Variants in HSD17B4 observed in about 807,000 individuals in gnomAD.
HSD17B4 encodes hydroxysteroid 17-beta dehydrogenase 4.
HSD17B4 carries 70 observed loss-of-function variants against 101.0 expected under a neutral mutation model. The ratio of observed to expected loss-of-function variants is 0.69; its 90% CI spans 0.57 to 0.85. HSD17B4 has a LOEUF of 0.85. Ranked by LOEUF, HSD17B4 falls within the 40% of genes least tolerant of loss-of-function variation. The probability of loss-of-function intolerance (pLI) is 0.00; values close to 1 mark genes in which losing one functional copy is unlikely to be tolerated. For missense variants in HSD17B4, 984 were observed against 892.4 expected (o/e 1.10, Z -1.31); for synonymous variants, 347 against 297.1 (o/e 1.17, Z -1.73).
intron 2 of HSD17B4, among the ~76,000 whole-genome samples, chr5:119,470,196 T>C (rs887565055): frequency 1.0e-4 from 15 of 150,672 alleles, no homozygotes; most frequent in Non-Finnish European, 2.1e-4. Flanking sequence ...GAATGTCTGT[T>C]TTTTTTTTTG....
Position 119,474,111 on chromosome 5 carries a change from A to G in HSD17B4, c.220+96A>G, listed in dbSNP as rs28590215. ...TGAGCAAATATCTCAGTATTCCAGT[A>G]TAATTATGATTTTCTAAGTCTGCCA... is the stretch of plus-strand genomic sequence containing the variant. On this transcript the variant is annotated intron_variant, in intron 3 of 23. Coordinates refer to ENST00000510025, the MANE Select transcript of HSD17B4 (RefSeq NM_000414.4). The G allele has an allele frequency of 1.3e-4, 100 of 787,890 alleles. No homozygotes were observed. The East Asian group carries it at 2.5e-3, about 20-fold the overall frequency. 48.8% of individuals were successfully genotyped at this position (787,890 alleles called of 1,614,324 possible). A position where few individuals can be genotyped will look rare whatever the true frequency, so the allele number is the denominator to read the frequency against.
intron 7 of HSD17B4, among the ~76,000 whole-genome samples, chr5:119,478,506 C>T (rs1748806443): frequency 6.6e-6 from 1 of 152,066 alleles, no homozygotes; most frequent in African/African-American, 2.4e-5. Context: ...GTGATGAGGA[C>T]TGAAAAATTA....
chr5:119,525,713 G>GTTTTTTTTTTTTTTT (rs748728829), intron 18 of HSD17B4: 13 of 484,420 alleles, frequency 2.7e-5, no homozygotes, highest in African/African-American at 6.2e-5. Flanking sequence ...TTCCTGTTTT[G>GTTTTTTTTTTTTTTT]TTTTTTTTTT....
At position 119,497,758 on chromosome 5, in the gene HSD17B4, A is replaced by C. The variant is rs185684670; in HGVS notation, c.972+1112A>C. On this transcript the variant is annotated intron_variant, in intron 12 of 23. Transcript: ENST00000510025. ...ATGAGTGATGATAAAACTGTATAAA[A>C]TATGTACTAAATATTGATAGAATTT... Among the ~76,000 whole-genome samples the C allele has an allele frequency of 2.0e-5, 3 of 152,350 alleles. No individual in the cohort carries two copies. The East Asian group carries it at 5.8e-4, about 29-fold the overall frequency.
Position 119,496,272 on chromosome 5 carries a change from C to T in HSD17B4, c.869-271C>T, listed in dbSNP as rs112172190. Among the ~76,000 whole-genome samples the T allele has an allele frequency of 8.4e-4, 128 of 152,308 alleles. 1 individual carries two copies. Among genetic ancestry groups the T allele is most frequent in the African/African-American group, 2.8e-3 (116 of 41,570 alleles). ...AATAGCTTAAAGACATTGGAAAGCCCAGTGCCGCCTTAGAATCAGATAACC... is the reference window on the plus strand; with the variant it reads ...AATAGCTTAAAGACATTGGAAAGCCTAGTGCCGCCTTAGAATCAGATAACC... On this transcript the variant is annotated intron_variant, in intron 11 of 23. Transcript: ENST00000510025.
intron 14 of HSD17B4, among the ~76,000 whole-genome samples, chr5:119,505,244 A>G (rs1477351446): frequency 6.6e-6 from 1 of 151,802 alleles, no homozygotes; most frequent in Non-Finnish European, 1.5e-5. Context: ...TTCTGGTACC[A>G]TATGAGTTTT....
At chr5:119,525,870 A>T (rs1347095293) in intron 18 of HSD17B4, 47 bp from the exon 19 acceptor site, 1 of 1,093,910 alleles carries the variant, frequency 9.1e-7, no homozygotes, top group African/African-American at 1.5e-5. Context: ...TTGATTTTTA[A>T]ACTTTAAAGG....
At position 119,478,984 on chromosome 5, in the gene HSD17B4, T is replaced by C. The variant is rs750582359; in HGVS notation, c.585T>C (p.Asn195=). 41 of 1,613,602 alleles carry C rather than the reference T, an allele frequency of 2.5e-5. No homozygotes were observed. The highest frequency in any genetic ancestry group is 3.4e-5 in the Non-Finnish European group (40 of 1,179,706). The stretch of plus-strand genomic sequence containing the variant: ...TTCATTGTAACACCATTGCTCCTAA[T>C]GCGGGATCACGGATGACTCAGACAG... The part of the protein sequence containing the change: ...SNIHCNTIAP[N]AGSRMTQTVM... The change falls in exon 8 of 24, where the codon AAT becomes AAC. Residue 195 remains asparagine, a synonymous_variant. Coordinates refer to ENST00000510025, the MANE Select transcript of HSD17B4 (RefSeq NM_000414.4).
chr5:119,541,290 A>C lies in HSD17B4; in HGVS notation c.2122-615A>C, dbSNP rs541996888. 2.0e-5 allele frequency among the ~76,000 whole-genome samples: 3 copies of C among 151,816 alleles called. No homozygotes were observed. In the East Asian group the frequency reaches 5.8e-4, roughly 29 times the overall value. ...CTACACATTACTTTATTTAACACGC[A>C]CAACAGAGTTGTGTTATTTAGGGAC... On this transcript the variant is annotated intron_variant, in intron 23 of 23. Coordinates refer to ENST00000510025, the MANE Select transcript of HSD17B4 (RefSeq NM_000414.4).
chr5:119,482,208 C>T (rs1372297461), intron 8 of HSD17B4, among the ~76,000 whole-genome samples: 2 of 151,974 alleles, frequency 1.3e-5, no homozygotes, highest in African/African-American at 4.8e-5. Flanking sequence ...TCTTTTTTTG[C>T]GTTTCCGTGC....
intron 2 of HSD17B4, among the ~76,000 whole-genome samples, chr5:119,463,264 C>CCG (rs1404588998): frequency 6.6e-6 from 1 of 152,080 alleles, no homozygotes; most frequent in Non-Finnish European, 1.5e-5. Flanking sequence ...TGTTGATGAA[C>CCG]GCTTAGGCCG....
chr5:119,496,729 ACTT>A, intron 12 of HSD17B4, 83 bp downstream of exon 12: 1 of 809,952 alleles, frequency 1.2e-6, no homozygotes, highest in Non-Finnish European at 2.2e-6. Context: ...TTCCTCCCCT[ACTT>A]CTTTCTCTTT....
chr5:119,452,749 G>A (rs776416760), intron 1 of HSD17B4, 116 bp downstream of exon 1: 1 of 1,591,208 alleles, frequency 6.3e-7, no homozygotes, highest in South Asian at 1.1e-5. Flanking sequence ...GTGGTGGGGA[G>A]GGGAATGGTT....
At chr5:119,467,018 T>C (rs367576268) in intron 2 of HSD17B4, among the ~76,000 whole-genome samples, 2 of 152,234 alleles carry the variant, frequency 1.3e-5, no homozygotes, top group African/African-American at 2.4e-5. Context: ...ATTTTCTTCT[T>C]AATTTCTTTG....
intron 2 of HSD17B4, among the ~76,000 whole-genome samples, chr5:119,461,721 CAAA>C (rs545291977): frequency 5.3e-5 from 4 of 74,904 alleles, no homozygotes; most frequent in Admixed American, 3.0e-4. Flanking sequence ...CTGTCTTTGC[CAAA>C]AAAAAAAAAA....
At position 119,455,366 on chromosome 5, in the gene HSD17B4, A is replaced by T. The variant is rs1468732819; in HGVS notation, c.59-949A>T. Among the ~76,000 whole-genome samples the T allele has an allele frequency of 2.0e-5, 3 of 152,160 alleles. No individual in the cohort carries two copies. The East Asian group carries it at 5.8e-4, about 29-fold the overall frequency. On this transcript the variant is annotated intron_variant, in intron 1 of 23. Coordinates refer to ENST00000510025, the MANE Select transcript of HSD17B4 (RefSeq NM_000414.4). ...ACCCCATCTCTACTAAAAATACAAA[A>T]ATTAGCTGGGCGTGGTGGCGGGCGC...
chr5:119,531,198 T>C, intron 21 of HSD17B4, 68 bp from the exon 22 acceptor site: 1 of 1,522,974 alleles, frequency 6.6e-7, no homozygotes, highest in Non-Finnish European at 9.1e-7. Flanking sequence ...TGCACATGTT[T>C]TATAATCACT....
At chr5:119,506,431 G>A (rs1474948240) in intron 14 of HSD17B4, among the ~76,000 whole-genome samples, 1 of 152,174 alleles carries the variant, frequency 6.6e-6, no homozygotes, top group Admixed American at 6.5e-5. Flanking sequence ...GGACATTTGG[G>A]TTGGTTCCAA....
chr5:119,483,316 C>T (rs1561449435), intron 8 of HSD17B4, among the ~76,000 whole-genome samples: 2 of 152,218 alleles, frequency 1.3e-5, no homozygotes, highest in South Asian at 2.1e-4. Context: ...GCCTGTGTCT[C>T]CAGTTTTCCT....
Sources: gnomAD v4.1 joint callset for allele counts (sites outside exome capture counted in the v4.1 genomes callset) on GRCh38, gnomAD v4.1.1 for gene constraint, MANE v1.5 for transcripts, NCBI Gene and HGNC (gene_info 2026-07-23, HGNC 2026-07-21) for gene names.